The following LPCAT1 variants were observed in gnomAD, a reference collection of about 807,000 sequenced individuals.
The protein encoded by LPCAT1 is lysophosphatidylcholine acyltransferase 1, also known as 1-acylglycerol-3-phosphate O-acyltransferase.
LPCAT1 carries 23 observed loss-of-function variants against 60.9 expected under a neutral mutation model. The observed-to-expected ratio is 0.38, with a 90% confidence interval of 0.27 to 0.53. The LOEUF is 0.53. LPCAT1 is among the 20% of genes least tolerant of loss of function. The pLI is 0.82. For synonymous variants in LPCAT1, 340 were observed against 301.1 expected, an observed-to-expected ratio of 1.13 and a Z score of -1.34; for missense variants, 622 against 723.6, an observed-to-expected ratio of 0.86 and a Z score of 1.61.
chr5:1,505,244 C>A (rs367721581), intron 1 of LPCAT1, among the ~76,000 whole-genome samples: 2 of 130,902 alleles, frequency 1.5e-5, no homozygotes, highest in African/African-American at 2.9e-5. Context: ...CACCAGAGTG[C>A]GGAATAAAAT....
intron 13 of LPCAT1, among the ~76,000 whole-genome samples, chr5:1,465,277 C>G (rs1445365509): frequency 1.4e-5 from 2 of 141,958 alleles, no homozygotes; most frequent in Non-Finnish European, 3.0e-5. Context: ...CATGCACACA[C>G]ACACACGCAC....
intron 13 of LPCAT1, among the ~76,000 whole-genome samples, chr5:1,465,284 G>A (rs114136609): frequency 0.052 from 6,641 of 126,920 alleles, 206 homozygotes; most frequent in Non-Finnish European, 0.072. Flanking sequence ...ACACACACAC[G>A]CACGGTACTA....
intron 1 of LPCAT1, among the ~76,000 whole-genome samples, chr5:1,514,283 G>A (rs956322817): frequency 2.6e-5 from 4 of 152,240 alleles, no homozygotes; most frequent in African/African-American, 7.2e-5. Flanking sequence ...CCCAGTGAGC[G>A]ATATCCAAAA....
chr5:1,520,892 GA>G (rs554511695), intron 1 of LPCAT1, among the ~76,000 whole-genome samples: 239 of 133,876 alleles, frequency 1.8e-3, no homozygotes, highest in Middle Eastern at 0.016. Flanking sequence ...AAAAGAAAAA[GA>G]AAAAAAAAAG....
At chr5:1,513,827 G>A (rs2962039) in intron 1 of LPCAT1, among the ~76,000 whole-genome samples, 23,191 of 129,894 alleles carry the variant, frequency 0.18, 3,320 homozygotes, top group East Asian at 0.22. Context: ...CCGGTGAGGC[G>A]GGACACCCTG....
At chr5:1,472,304 C>G (rs907772013) in intron 11 of LPCAT1, among the ~76,000 whole-genome samples, 2 of 152,238 alleles carry the variant, frequency 1.3e-5, no homozygotes, top group East Asian at 3.9e-4. Flanking sequence ...TGCCCCTCTA[C>G]GCTTGTGTCA....
intron 13 of LPCAT1, among the ~76,000 whole-genome samples, chr5:1,465,755 C>T (rs1734363794): frequency 7.4e-6 from 1 of 134,844 alleles, no homozygotes; most frequent in South Asian, 2.7e-4. Context: ...CACATGTGTA[C>T]ACAAACGTGT....
Position 1,466,879 on chromosome 5 carries a change from C to A in LPCAT1, c.1290G>T (p.Ala430=), listed in dbSNP as rs763872166. ...CTTCGCCGACGCTGCCGTCCTCTTG[C>A]GCTCCGTACATCTGCAAGGCAAACT... ...TIQLAFKMYG[A]QEDGSVGEGD... The change falls in exon 13 of 14, where the codon GCG becomes GCT. Residue 430 remains alanine (A), a synonymous_variant. Coordinates refer to ENST00000283415, the MANE Select transcript of LPCAT1 (RefSeq NM_024830.5). 6.2e-6 allele frequency: 10 copies of A among 1,600,630 alleles called. No homozygotes were observed. Among genetic ancestry groups the A allele is most frequent in the South Asian group, 1.1e-5 (1 of 89,688 alleles).
intron 1 of LPCAT1, among the ~76,000 whole-genome samples, chr5:1,516,605 T>C (rs545747486): frequency 6.6e-6 from 1 of 151,694 alleles, no homozygotes; most frequent in Non-Finnish European, 1.5e-5. Context: ...CATTTAGAAC[T>C]GGGAGAGAAA....
intron 5 of LPCAT1, among the ~76,000 whole-genome samples, chr5:1,484,148 T>C (rs1308783324): frequency 6.6e-6 from 1 of 152,222 alleles, no homozygotes; most frequent in Non-Finnish European, 1.5e-5. Context: ...TGCCTCTCTC[T>C]CTGAGTGGCT....
chr5:1,501,199 G>T (rs1451788980), intron 2 of LPCAT1, among the ~76,000 whole-genome samples: 1 of 152,208 alleles, frequency 6.6e-6, no homozygotes, highest in Non-Finnish European at 1.5e-5. Flanking sequence ...GCTCAAGGGT[G>T]TGAAACAATG....
At position 1,479,674 on chromosome 5, in the gene LPCAT1, G is replaced by A; in HGVS notation, c.763C>T (p.Leu255=). ...CACAGCGTGAGCCACAGGATTTCCA[G>A]CCTTAAAAACAGATTGCACAATGTT... ...ITWTWQGPGA[L]EILWLTLCQF... Residue 255 remains leucine (L), a splice_region_variant and synonymous_variant, in exon 8 of 14, where the codon CTG becomes TTG. Transcript: ENST00000283415. The A allele has an allele frequency of 1.2e-6, 2 of 1,610,686 alleles. No homozygotes were observed. The highest frequency in any genetic ancestry group is 1.7e-6 in the Non-Finnish European group (2 of 1,176,938).
chr5:1,483,239 G>A lies in LPCAT1; in HGVS notation c.726+189C>T, dbSNP rs1437783299. On this transcript the variant is annotated intron_variant, in intron 6 of 13. Transcript: ENST00000283415. The surrounding 1 kb of genome is among the most constrained non-coding windows in gnomAD (Gnocchi z 9.2). Reference sequence around the variant, plus strand: ...AACAGGCCGCACTCAGGAACGTGCCGAGCCCAGGGCCCGGGCCTGTCCTGC... The same window carrying A: ...AACAGGCCGCACTCAGGAACGTGCCAAGCCCAGGGCCCGGGCCTGTCCTGC... Among the ~76,000 whole-genome samples, 2 of 152,140 alleles carry A rather than the reference G, an allele frequency of 1.3e-5. No homozygotes were observed. Among genetic ancestry groups the A allele is most frequent in the Non-Finnish European group, 2.9e-5 (2 of 68,018 alleles).
In LPCAT1 at chr5:1,483,205, C is replaced by T. The variant is rs965023948; in HGVS notation, c.726+223G>A. Reference sequence around the variant, plus strand: ...GGAATCATGGGGTTGATCAGGGACACGTGCATAGAACAGGCCGCACTCAGG... The same window carrying T: ...GGAATCATGGGGTTGATCAGGGACATGTGCATAGAACAGGCCGCACTCAGG... On this transcript the variant is annotated intron_variant, in intron 6 of 13. Transcript: ENST00000283415. This position sits in a 1 kb window ranked among gnomAD's most constrained non-coding sequence, Gnocchi z 9.2. 5.9e-5 allele frequency among the ~76,000 whole-genome samples: 9 copies of T among 152,280 alleles called. No individual in the cohort carries two copies. The highest frequency in any genetic ancestry group is 4.2e-4 in the South Asian group (2 of 4,818).
chr5:1,518,089 G>A (rs1328839948), intron 1 of LPCAT1, among the ~76,000 whole-genome samples: 1 of 152,226 alleles, frequency 6.6e-6, no homozygotes, highest in Non-Finnish European at 1.5e-5. Flanking sequence ...GCCCCACTCT[G>A]AGCACGGCCC....
chr5:1,511,422 C>A (rs1253345576), intron 1 of LPCAT1, among the ~76,000 whole-genome samples: 2 of 152,054 alleles, frequency 1.3e-5, no homozygotes, highest in African/African-American at 4.8e-5. Flanking sequence ...GGGGATGCAC[C>A]TGCTCACCTC....
intron 2 of LPCAT1, among the ~76,000 whole-genome samples, chr5:1,499,832 G>A (rs1296024506): frequency 6.6e-6 from 1 of 152,270 alleles, no homozygotes; most frequent in Non-Finnish European, 1.5e-5. Flanking sequence ...ATGTCTGAGT[G>A]TGGCCCTGGG....
At chr5:1,467,040 C>T (rs951035854) in intron 12 of LPCAT1, 150 bp from the exon 13 acceptor site, 4 of 724,746 alleles carry the variant, frequency 5.5e-6, no homozygotes, top group Non-Finnish European at 7.7e-6. Flanking sequence ...CTCGAACTTC[C>T]ATGTGGAGCC....
intron 1 of LPCAT1, among the ~76,000 whole-genome samples, chr5:1,512,769 GTGC>G (rs1408072514): frequency 6.6e-6 from 1 of 152,232 alleles, no homozygotes; most frequent in African/African-American, 2.4e-5. Context: ...TCACACATTG[GTGC>G]TGTTGGAAAG....
Sources: allele counts gnomAD v4.1 joint callset (sites outside exome capture counted in the v4.1 genomes callset), GRCh38; gene constraint gnomAD v4.1.1; non-coding constraint Gnocchi (gnomAD v3.1); transcripts MANE v1.5; gene names NCBI Gene and HGNC (gene_info 2026-07-23, HGNC 2026-07-21).